Variants in TRDMT1 observed in about 807,000 individuals in gnomAD.
The protein encoded by TRDMT1 is tRNA (cytosine(38)-C(5))-methyltransferase.
Under a neutral mutation model 51.2 loss-of-function variants are expected in TRDMT1, and 49 were observed. The ratio of observed to expected loss-of-function variants is 0.96; its 90% CI spans 0.76 to 1.21. TRDMT1 has a LOEUF of 1.21. Among genes scored for constraint, TRDMT1 ranks in the 50% most tolerant of loss-of-function variants. The pLI, the probability that TRDMT1 is intolerant of heterozygous loss-of-function variation, is 0.00. For missense variants in TRDMT1, 534 were observed against 462.3 expected (o/e 1.16, Z -1.42); for synonymous variants, 187 against 164.6 (o/e 1.14, Z -1.04).
In TRDMT1 at chr10:17,139,506, G is replaced by T. The variant is rs971780287; in HGVS notation, c.*9534C>A. Among the ~76,000 whole-genome samples, 1 of 152,012 alleles carries T rather than the reference G, an allele frequency of 6.6e-6. No homozygotes were observed. The highest frequency in any genetic ancestry group is 6.6e-5 in the Admixed American group (1 of 15,262). ...ATGGGGGGAAGAAAAAAACAGTTTG[G>T]TTCTCTTCTGGGAAGGAAAATGAAA... is the stretch of plus-strand genomic sequence containing the variant. On this transcript the variant is annotated 3_prime_UTR_variant, in exon 11 of 11. Coordinates refer to ENST00000377799, the MANE Select transcript of TRDMT1 (RefSeq NM_004412.7).
chr10:17,160,335 C>T lies in TRDMT1; in HGVS notation c.429G>A (p.Gln143=). 1.9e-6 allele frequency: 3 copies of T among 1,568,154 alleles called. No individual in the cohort carries two copies. The South Asian group carries it at 3.6e-5, about 19-fold the overall frequency. ...TTGGAGATAATAGAAACTCTTGGTA[C>T]TGAAAGCCACAATTTTCTATTGTTT... The part of the protein sequence containing the change: ...LIQTIENCGF[Q]YQEFLLSPTS... Residue 143 remains glutamine (Q), a synonymous_variant, in exon 6 of 11, where the codon CAG becomes CAA. Transcript: ENST00000377799.
intron 3 of TRDMT1, among the ~76,000 whole-genome samples, chr10:17,163,561 C>CA (rs1318253475): frequency 6.6e-6 from 1 of 151,956 alleles, no homozygotes; most frequent in African/African-American, 2.4e-5. Context: ...AAAAACCCTT[C>CA]AAAAAATCAA....
At chr10:17,153,980 T>C (rs1358106339) in intron 9 of TRDMT1, among the ~76,000 whole-genome samples, 1 of 152,138 alleles carries the variant, frequency 6.6e-6, no homozygotes, top group Non-Finnish European at 1.5e-5. Flanking sequence ...ACAAAGTCAA[T>C]TTTACAATAA....
At position 17,146,772 on chromosome 10, in the gene TRDMT1, T is replaced by A. The variant is rs755039956; in HGVS notation, c.*2268A>T. On this transcript the variant is annotated 3_prime_UTR_variant, in exon 11 of 11. Transcript: ENST00000377799. ...CAGAATTTCCAGTGCAAATTTTATA[T>A]ACAGCATTATTACCAAAAGCATATA... The A allele has an allele frequency of 1.0e-6, 1 of 985,328 alleles. No homozygotes were observed. Among genetic ancestry groups the A allele is most frequent in the African/African-American group, 1.7e-5 (1 of 57,238 alleles). The allele number at this position is 985,328 out of a possible 1,614,324, so 61.0% of individuals were successfully genotyped here.
rs1838151460 is a variant in TRDMT1, at chr10:17,146,823, T to C, written c.*2217A>G. On this transcript the variant is annotated 3_prime_UTR_variant, in exon 11 of 11. Transcript: ENST00000377799. ...GCAGACATTCCATAAAATAACATTTTCCAAATTAATTATGCATACATATAC... is the reference window on the plus strand; with the variant it reads ...GCAGACATTCCATAAAATAACATTTCCCAAATTAATTATGCATACATATAC... 8.1e-6 allele frequency: 8 copies of C among 985,288 alleles called. No individual in the cohort carries two copies. Among genetic ancestry groups the C allele is most frequent in the African/African-American group, 1.7e-5 (1 of 57,254 alleles). The allele number at this position is 985,288 out of a possible 1,614,324, so 61.0% of individuals were successfully genotyped here.
rs925159172 is a variant in TRDMT1 at position 17,146,774 on chromosome 10, C to A, written c.*2266G>T. ...GAATTTCCAGTGCAAATTTTATATACAGCATTATTACCAAAAGCATATAGC... is the reference window on the plus strand; with the variant it reads ...GAATTTCCAGTGCAAATTTTATATAAAGCATTATTACCAAAAGCATATAGC... On this transcript the variant is annotated 3_prime_UTR_variant, in exon 11 of 11. Coordinates refer to ENST00000377799, the MANE Select transcript of TRDMT1 (RefSeq NM_004412.7). 1 of 985,316 alleles carries A rather than the reference C, an allele frequency of 1.0e-6. No individual in the cohort carries two copies. The highest frequency in any genetic ancestry group is 1.7e-5 in the African/African-American group (1 of 57,246). The allele number at this position is 985,316 out of a possible 1,614,324, so 61.0% of individuals were successfully genotyped here. A position where few individuals can be genotyped will look rare whatever the true frequency, so the allele number is the denominator to read the frequency against.
Position 17,141,962 on chromosome 10 carries a change from G to A in TRDMT1, c.*7078C>T, listed in dbSNP as rs1035307878. On this transcript the variant is annotated 3_prime_UTR_variant, in exon 11 of 11. Coordinates refer to ENST00000377799, the MANE Select transcript of TRDMT1 (RefSeq NM_004412.7). ...TTGGTTATTTTTCAGTTACATAACT[G>A]CCATTTATTTCTATTCTTAAAAATT... 1.3e-5 allele frequency among the ~76,000 whole-genome samples: 2 copies of A among 152,142 alleles called. No homozygotes were observed. The highest frequency in any genetic ancestry group is 2.9e-5 in the Non-Finnish European group (2 of 68,024).
intron 10 of TRDMT1, among the ~76,000 whole-genome samples, chr10:17,150,058 C>A (rs1564550955): frequency 6.6e-6 from 1 of 152,130 alleles, no homozygotes; most frequent in Non-Finnish European, 1.5e-5. Flanking sequence ...AACCATTAGA[C>A]TGTTTTTCAA....
rs1485425843 is a variant in TRDMT1, at chr10:17,159,203, T to C, written c.486A>G (p.Arg162=). Residue 162 remains arginine (R), a synonymous_variant, in exon 7 of 11, where the codon CGA becomes CGG. Transcript: ENST00000377799. ...TSLGIPNSRL[R]YFLIAKLQSE... ...ACTGAAGCTTTGCAATAAGAAAATA[T>C]CGTAGCCTTGAATTTGGAATGCCAA... is the stretch of plus-strand genomic sequence containing the variant. The C allele has an allele frequency of 3.7e-6, 6 of 1,603,072 alleles. No individual in the cohort carries two copies. In the East Asian group the frequency reaches 9.0e-5, roughly 24 times the overall value.
intron 2 of TRDMT1, among the ~76,000 whole-genome samples, chr10:17,171,264 G>A (rs947176848): frequency 2.6e-5 from 4 of 152,062 alleles, no homozygotes; most frequent in African/African-American, 9.7e-5. Context: ...CTCTGCCAAG[G>A]CCTCCTTGTG....
chr10:17,184,715 T>G (rs903259817), intron 1 of TRDMT1, among the ~76,000 whole-genome samples: 1 of 152,214 alleles, frequency 6.6e-6, no homozygotes, highest in Non-Finnish European at 1.5e-5. Flanking sequence ...ATAAGACCTA[T>G]GCACTTCAAC....
At chr10:17,153,663 A>C in intron 9 of TRDMT1, 27 bp from the exon 10 acceptor site, 1 of 1,542,862 alleles carries the variant, frequency 6.5e-7, no homozygotes, top group Non-Finnish European at 8.7e-7. Context: ...AAGATAACTA[A>C]AAAAGTAATG....
intron 3 of TRDMT1, among the ~76,000 whole-genome samples, chr10:17,168,564 G>A (rs574650364): frequency 3.3e-5 from 5 of 152,218 alleles, no homozygotes; most frequent in Middle Eastern, 3.4e-3. Context: ...AATCATGGGG[G>A]CAGGTCTCTG....
In TRDMT1 at chr10:17,157,324, C is replaced by A; in HGVS notation, c.887+117G>T. On this transcript the variant is annotated intron_variant, in intron 8 of 10. Transcript: ENST00000377799. Reference sequence around the variant, plus strand: ...AGTAGGCAATTAAGGGAAAATACCTCATTCTAGCAAAAACATTTTATAAAA... The same window carrying A: ...AGTAGGCAATTAAGGGAAAATACCTAATTCTAGCAAAAACATTTTATAAAA... 2.9e-6 allele frequency: 3 copies of A among 1,028,502 alleles called. No homozygotes were observed. In the South Asian group the frequency reaches 5.5e-5, roughly 19 times the overall value. The allele number at this position is 1,028,502 out of a possible 1,614,324, so 63.7% of individuals were successfully genotyped here.
chr10:17,138,974 T>A lies in TRDMT1; in HGVS notation c.*10066A>T, dbSNP rs1837505394. ...AACATAAAATATGCACTGGAGGGTC[T>A]CGCATCATTATAAGGATCAGCCATA... is the stretch of plus-strand genomic sequence containing the variant. On this transcript the variant is annotated 3_prime_UTR_variant, in exon 11 of 11. Transcript: ENST00000377799. Among the ~76,000 whole-genome samples the A allele has an allele frequency of 6.6e-6, 1 of 152,146 alleles. No individual in the cohort carries two copies. Among genetic ancestry groups the A allele is most frequent in the African/African-American group, 2.4e-5 (1 of 41,428 alleles).
intron 1 of TRDMT1, among the ~76,000 whole-genome samples, chr10:17,182,894 C>A (rs1472317756): frequency 6.6e-6 from 1 of 152,156 alleles, no homozygotes; most frequent in East Asian, 1.9e-4. Context: ...CCAAACTTCA[C>A]CAATAATGAC....
At chr10:17,164,925 G>C (rs1477132949) in intron 3 of TRDMT1, among the ~76,000 whole-genome samples, 1 of 152,140 alleles carries the variant, frequency 6.6e-6, no homozygotes, top group Admixed American at 6.5e-5. Context: ...AATCAATATT[G>C]TGAAAATGGC....
At position 17,164,596 on chromosome 10, in the gene TRDMT1, A is replaced by C. The variant is rs192227531; in HGVS notation, c.252-2359T>G. Among the ~76,000 whole-genome samples the C allele has an allele frequency of 9.1e-3, 1,382 of 152,356 alleles. 13 individuals are homozygous for C. Among genetic ancestry groups the C allele is most frequent in the Non-Finnish European group, 0.014 (977 of 68,030 alleles). On this transcript the variant is annotated intron_variant, in intron 3 of 10. Transcript: ENST00000377799. ...GTCAAATTGTCCCTGTTTGCAGATG[A>C]CATGATTGTATATCTAGAAAAACCC...
At chr10:17,158,333 G>A (rs1378240226) in intron 7 of TRDMT1, among the ~76,000 whole-genome samples, 1 of 151,962 alleles carries the variant, frequency 6.6e-6, no homozygotes, top group Non-Finnish European at 1.5e-5. Flanking sequence ...TTTTGTAAAA[G>A]GAAAACCATT....
Sources: gnomAD v4.1 joint callset for allele counts (sites outside exome capture counted in the v4.1 genomes callset) on GRCh38, gnomAD v4.1.1 for gene constraint, MANE v1.5 for transcripts, NCBI Gene and HGNC (gene_info 2026-07-23, HGNC 2026-07-21) for gene names.